STARD3NL: variants seen among roughly 807,000 people sequenced by gnomAD.
STARD3NL encodes STARD3 N-terminal like, also known as STARD3 N-terminal-like protein.
A neutral mutation model predicts 30.9 loss-of-function variants in STARD3NL; 17 were observed. The ratio of observed to expected loss-of-function variants is 0.55; its 90% CI spans 0.38 to 0.82. The LOEUF (loss-of-function observed/expected upper bound fraction) is 0.82. STARD3NL is among the 40% of genes least tolerant of loss of function. The pLI is 0.00. For missense variants in STARD3NL, 234 were observed against 277.6 expected, an observed-to-expected ratio of 0.84 and a Z score of 1.12; for synonymous variants, 112 against 100.5, an observed-to-expected ratio of 1.11 and a Z score of -0.69.
At chr7:38,224,657 G>A (rs1378664889) in intron 7 of STARD3NL, among the ~76,000 whole-genome samples, 1 of 152,138 alleles carries the variant, frequency 6.6e-6, no homozygotes, top group African/African-American at 2.4e-5. Flanking sequence ...AGTCACTTAG[G>A]AGCCATCCAG....
intron 1 of STARD3NL, among the ~76,000 whole-genome samples, chr7:38,189,930 G>GT (rs1394044849): frequency 6.6e-6 from 1 of 152,160 alleles, no homozygotes; most frequent in African/African-American, 2.4e-5. Context: ...GATTTAAGAG[G>GT]TTTTTGAGGA....
intron 1 of STARD3NL, among the ~76,000 whole-genome samples, chr7:38,197,488 C>T (rs556449338): frequency 6.6e-6 from 1 of 152,252 alleles, no homozygotes; most frequent in Middle Eastern, 3.4e-3. Context: ...TATTTGTGAG[C>T]CACTGTGCCC....
In STARD3NL at chr7:38,228,895, A is replaced by G. The variant is rs111969883; in HGVS notation, c.*17+24A>G. The G allele has an allele frequency of 1.8e-5, 27 of 1,537,720 alleles. No homozygotes were observed. In the African/African-American group the frequency reaches 2.3e-4, roughly 13 times the overall value. ...AAGTAAGTGTTTGAAATGAAACCATAACAACAAAGTAGTTAAGTATGGAGA... is the reference window on the plus strand; with the variant it reads ...AAGTAAGTGTTTGAAATGAAACCATGACAACAAAGTAGTTAAGTATGGAGA... On this transcript the variant is annotated intron_variant, in intron 8 of 8. Transcript: ENST00000009041.
chr7:38,214,346 CTCCTT>C lies in STARD3NL; in HGVS notation c.226-8_226-4del. 1 of 1,581,296 alleles carries C rather than the reference CTCCTT, an allele frequency of 6.3e-7. No homozygotes were observed. Among genetic ancestry groups the C allele is most frequent in the Non-Finnish European group, 8.6e-7 (1 of 1,157,110 alleles). ...CCTCTCCTTGTTTTTGCTTCTTACT[CTCCTT>C]TCTAGGTGAATGGAGGCATTGAGAA... is the stretch of plus-strand genomic sequence containing the variant. On this transcript the variant is annotated splice_polypyrimidine_tract_variant and splice_region_variant and intron_variant, in intron 2 of 8. Coordinates refer to ENST00000009041, the MANE Select transcript of STARD3NL (RefSeq NM_032016.4).
At chr7:38,210,792 G>A (rs182309639) in intron 2 of STARD3NL, among the ~76,000 whole-genome samples, 2 of 152,148 alleles carry the variant, frequency 1.3e-5, no homozygotes, top group Admixed American at 6.5e-5. Context: ...TGAGACTATG[G>A]TTCAAAAAAA....
At chr7:38,224,241 A>G (rs1562627345) in intron 7 of STARD3NL, among the ~76,000 whole-genome samples, 1 of 152,186 alleles carries the variant, frequency 6.6e-6, no homozygotes, top group Non-Finnish European at 1.5e-5. Flanking sequence ...TTTGGTTATT[A>G]TAAGTATATC....
At chr7:38,219,815 T>G (rs929272853) in intron 7 of STARD3NL, among the ~76,000 whole-genome samples, 155 bp downstream of exon 7, 1 of 152,170 alleles carries the variant, frequency 6.6e-6, no homozygotes, top group African/African-American at 2.4e-5. Flanking sequence ...CGGTCTCACA[T>G]GAAACCAGTG....
chr7:38,226,176 A>C (rs530877877), intron 7 of STARD3NL, among the ~76,000 whole-genome samples: 578 of 57,336 alleles, frequency 0.01, 2 homozygotes, highest in Admixed American at 0.018. Context: ...TTTTTTTTTG[A>C]TGAAAAGTAT....
chr7:38,205,633 A>G (rs903375292), intron 1 of STARD3NL, among the ~76,000 whole-genome samples: 11 of 80,922 alleles, frequency 1.4e-4, no homozygotes, highest in African/African-American at 6.9e-4. Flanking sequence ...TTATTGAAAT[A>G]TAATATACAC....
intron 1 of STARD3NL, among the ~76,000 whole-genome samples, chr7:38,191,567 G>A (rs747129082): frequency 1.9e-4 from 29 of 151,998 alleles, no homozygotes; most frequent in Non-Finnish European, 2.9e-4. Context: ...TTTTTACCTG[G>A]TGTGAGTTAG....
At chr7:38,191,833 C>A (rs955425278) in intron 1 of STARD3NL, among the ~76,000 whole-genome samples, 1 of 151,496 alleles carries the variant, frequency 6.6e-6, no homozygotes, top group African/African-American at 2.4e-5. Flanking sequence ...TATTTTTGTT[C>A]TTTTCCCAGA....
At chr7:38,227,762 A>G (rs1376934340) in intron 7 of STARD3NL, among the ~76,000 whole-genome samples, 3 of 152,090 alleles carry the variant, frequency 2.0e-5, no homozygotes, top group Non-Finnish European at 4.4e-5. Flanking sequence ...CCTTCAAATT[A>G]TTTGGTAACA....
chr7:38,216,010 G>A (rs1786089629), intron 4 of STARD3NL: 1 of 152,238 alleles, frequency 6.6e-6, no homozygotes, highest in African/African-American at 2.4e-5. Flanking sequence ...TAGGCTGACA[G>A]TCTTGGCCAG....
chr7:38,222,282 G>A (rs1262184710), intron 7 of STARD3NL, among the ~76,000 whole-genome samples: 1 of 152,148 alleles, frequency 6.6e-6, no homozygotes, highest in Non-Finnish European at 1.5e-5. Context: ...CAAGTAACTT[G>A]AGATTCTGGA....
At chr7:38,209,171 A>G (rs1785653221) in intron 2 of STARD3NL, among the ~76,000 whole-genome samples, 1 of 152,180 alleles carries the variant, frequency 6.6e-6, no homozygotes, top group Non-Finnish European at 1.5e-5. Context: ...TCTTTTTGCT[A>G]TGTGTTCCAC....
At chr7:38,215,344 A>G (rs560637148) in intron 4 of STARD3NL, 12 of 506,276 alleles carry the variant, frequency 2.4e-5, no homozygotes, top group South Asian at 1.5e-4. Context: ...TAGAAGCCCA[A>G]CAGTGATTAT....
At chr7:38,214,273 A>G in intron 2 of STARD3NL, 84 bp from the exon 3 acceptor site, 1 of 850,572 alleles carries the variant, frequency 1.2e-6, no homozygotes, top group South Asian at 1.5e-5. Flanking sequence ...GAAGATAGGC[A>G]GGAAAGTTGG....
chr7:38,222,427 A>G (rs532523636), intron 7 of STARD3NL, among the ~76,000 whole-genome samples: 4 of 152,244 alleles, frequency 2.6e-5, no homozygotes, highest in Non-Finnish European at 5.9e-5. Context: ...TTATTACCTC[A>G]TAAGGATTAT....
intron 1 of STARD3NL, among the ~76,000 whole-genome samples, chr7:38,181,257 C>T (rs965579381): frequency 1.2e-4 from 18 of 152,150 alleles, no homozygotes; most frequent in African/African-American, 4.3e-4. Context: ...TAATCTTACG[C>T]TTAGAAGTAT....
Sources: allele counts gnomAD v4.1 joint callset (sites outside exome capture counted in the v4.1 genomes callset), GRCh38; gene constraint gnomAD v4.1.1; transcripts MANE v1.5; gene names NCBI Gene and HGNC (gene_info 2026-07-23, HGNC 2026-07-21).